EXOC6B: variants seen among roughly 807,000 people sequenced by gnomAD.
The protein encoded by EXOC6B is exocyst complex component 6B, also known as SEC15 homolog B.
A neutral mutation model predicts 113.5 loss-of-function variants in EXOC6B; 54 were observed. The observed-to-expected ratio is 0.48, with a 90% confidence interval of 0.38 to 0.60. The LOEUF (loss-of-function observed/expected upper bound fraction) is 0.60, where lower values mean the gene tolerates loss of function less well. Ranked by LOEUF, EXOC6B falls within the 20% of genes least tolerant of loss-of-function variation. The pLI is 0.00. For synonymous variants in EXOC6B, 357 were observed against 339.0 expected, an observed-to-expected ratio of 1.05 and a Z score of -0.58; for missense variants, 797 against 977.5, an observed-to-expected ratio of 0.82 and a Z score of 2.46.
chr2:72,241,845 C>T (rs10196589), intron 20 of EXOC6B, among the ~76,000 whole-genome samples: 56,034 of 151,962 alleles, frequency 0.37, 13,036 homozygotes, highest in African/African-American at 0.66. Context: ...TAGACCTGCT[C>T]GCAAGAAATT....
At chr2:72,556,127 G>A (rs1703528627) in intron 8 of EXOC6B, among the ~76,000 whole-genome samples, 1 of 152,198 alleles carries the variant, frequency 6.6e-6, no homozygotes. Flanking sequence ...AAGAGCAAAG[G>A]TCGAGGCAAC....
chr2:72,291,276 G>A (rs1337605802), intron 20 of EXOC6B, among the ~76,000 whole-genome samples: 1 of 152,180 alleles, frequency 6.6e-6, no homozygotes, highest in Non-Finnish European at 1.5e-5. Flanking sequence ...TGCATGATGA[G>A]TCATTTTCTT....
intron 8 of EXOC6B, among the ~76,000 whole-genome samples, chr2:72,543,447 G>A (rs1702725924): frequency 6.7e-6 from 1 of 148,602 alleles, no homozygotes; most frequent in African/African-American, 2.6e-5. Context: ...TTAAAAAGAA[G>A]GTAAGCACAC....
chr2:72,656,874 G>A (rs955854108), intron 6 of EXOC6B, among the ~76,000 whole-genome samples: 5 of 151,998 alleles, frequency 3.3e-5, no homozygotes, highest in Admixed American at 2.0e-4. Context: ...TTTTTGAGAC[G>A]GAGTTTCGCT....
intron 6 of EXOC6B, among the ~76,000 whole-genome samples, chr2:72,714,620 A>T (rs1054679889): frequency 6.6e-6 from 1 of 152,166 alleles, no homozygotes; most frequent in Non-Finnish European, 1.5e-5. Context: ...GAAAAAAAAA[A>T]TAGTAAAGGC....
At chr2:72,503,139 T>C (rs989057750) in intron 11 of EXOC6B, among the ~76,000 whole-genome samples, 2 of 152,278 alleles carry the variant, frequency 1.3e-5, no homozygotes, top group East Asian at 1.9e-4. Context: ...TTTGAAATAT[T>C]ATATAACAAT....
intron 11 of EXOC6B, among the ~76,000 whole-genome samples, chr2:72,503,559 T>C (rs1700441619): frequency 6.6e-6 from 1 of 152,208 alleles, no homozygotes; most frequent in Non-Finnish European, 1.5e-5. Context: ...TAATATTCCA[T>C]TATATGAATG....
chr2:72,184,938 C>G (rs932403855), intron 20 of EXOC6B, among the ~76,000 whole-genome samples: 2 of 152,160 alleles, frequency 1.3e-5, no homozygotes, highest in African/African-American at 4.8e-5. Flanking sequence ...GTGCCAAGAG[C>G]TAGATGTGTG....
chr2:72,432,389 T>C (rs569612286), intron 18 of EXOC6B, among the ~76,000 whole-genome samples: 6 of 152,304 alleles, frequency 3.9e-5, no homozygotes, highest in Non-Finnish European at 5.9e-5. Flanking sequence ...TAAACATACA[T>C]GTACATGTGT....
At chr2:72,635,894 T>G (rs1672783491) in intron 6 of EXOC6B, among the ~76,000 whole-genome samples, 5 of 152,226 alleles carry the variant, frequency 3.3e-5, no homozygotes, top group Admixed American at 3.3e-4. Context: ...GTTGCTTGAC[T>G]ATTTGAAAAA....
At chr2:72,731,756 T>A (rs1468984923) in intron 3 of EXOC6B, among the ~76,000 whole-genome samples, 1 of 152,310 alleles carries the variant, frequency 6.6e-6, no homozygotes, top group Middle Eastern at 3.4e-3. Flanking sequence ...ATTCATCCTA[T>A]ACCCATACCT....
intron 20 of EXOC6B, among the ~76,000 whole-genome samples, chr2:72,286,210 T>C (rs1049211036): frequency 1.3e-5 from 2 of 152,210 alleles, no homozygotes; most frequent in African/African-American, 4.8e-5. Flanking sequence ...TTATAGCAAC[T>C]ACAGTCATAA....
intron 8 of EXOC6B, among the ~76,000 whole-genome samples, chr2:72,521,984 C>T (rs1189083258): frequency 1.3e-5 from 2 of 152,212 alleles, no homozygotes; most frequent in Non-Finnish European, 2.9e-5. Flanking sequence ...GCATGAGCCA[C>T]TGCACCCGGC....
At chr2:72,280,575 T>C (rs2083433293) in intron 20 of EXOC6B, among the ~76,000 whole-genome samples, 1 of 152,130 alleles carries the variant, frequency 6.6e-6, no homozygotes. Context: ...GAATTTCCAT[T>C]TTAAGTCACT....
At chr2:72,650,023 C>A (rs1674040289) in intron 6 of EXOC6B, among the ~76,000 whole-genome samples, 2 of 152,240 alleles carry the variant, frequency 1.3e-5, no homozygotes, top group Admixed American at 1.3e-4. Context: ...CTGTTAGGAA[C>A]TGGGCGCGGG....
intron 20 of EXOC6B, among the ~76,000 whole-genome samples, chr2:72,260,160 G>A (rs941313403): frequency 3.3e-5 from 5 of 151,994 alleles, no homozygotes; most frequent in African/African-American, 1.2e-4. Context: ...ATATAATAAG[G>A]TTTATATATG....
rs186545505 is a variant in EXOC6B, at chr2:72,349,992, T to A, written c.2123-14972A>T. Among the ~76,000 whole-genome samples the A allele has an allele frequency of 1.0e-3, 155 of 152,228 alleles. 1 individual carries two copies. Among genetic ancestry groups the A allele is most frequent in the Non-Finnish European group, 1.8e-3 (120 of 68,026 alleles). On this transcript the variant is annotated intron_variant, in intron 19 of 21. Transcript: ENST00000272427. ...AGGATACTCAGTTGGTGTCAGGGAA[T>A]TGTGGTCAGAACATAAAGTCCAATC...
chr2:72,595,586 T>C (rs1670035181), intron 6 of EXOC6B, among the ~76,000 whole-genome samples: 2 of 151,742 alleles, frequency 1.3e-5, no homozygotes, highest in African/African-American at 4.8e-5. Context: ...TGAGAGTTAA[T>C]GGAAGAAACA....
intron 7 of EXOC6B, among the ~76,000 whole-genome samples, chr2:72,563,411 A>G (rs1474341007): frequency 2.0e-5 from 3 of 152,116 alleles, no homozygotes; most frequent in Non-Finnish European, 2.9e-5. Context: ...AACAGCTTCA[A>G]TCAAAGCAAT....
Sources: allele counts gnomAD v4.1 joint callset (sites outside exome capture counted in the v4.1 genomes callset), GRCh38; gene constraint gnomAD v4.1.1; transcripts MANE v1.5; gene names NCBI Gene and HGNC (gene_info 2026-07-23, HGNC 2026-07-21).